Variants in NCOR2 observed in about 807,000 individuals in gnomAD.
The protein encoded by NCOR2 is nuclear receptor corepressor 2, also known as CTG repeat protein 26.
In NCOR2, 81 loss-of-function variants were observed where a neutral mutation model predicts 262.9. The observed-to-expected ratio is 0.31, with a 90% CI of 0.26 to 0.37. NCOR2 has a LOEUF of 0.37. Ranked by LOEUF, NCOR2 falls within the 10% of genes least tolerant of loss-of-function variation. The probability of loss-of-function intolerance (pLI) is 1.00; values close to 1 mark genes in which losing one functional copy is unlikely to be tolerated. For synonymous variants in NCOR2, 1,659 were observed against 1,559.3 expected (o/e 1.06, Z -1.51); for missense variants, 3,385 against 3,621.4 (o/e 0.93, Z 1.68).
chr12:124,356,495 CT>C, intron 23 of NCOR2, 146 bp downstream of exon 25: 2 of 718,448 alleles, frequency 2.8e-6, no homozygotes, highest in Non-Finnish European at 4.0e-6. Flanking sequence ...AGATCTCCCC[CT>C]TTCCCTCCAC....
intron 17 of NCOR2, among the ~76,000 whole-genome samples, chr12:124,384,069 G>T (rs2040612868): frequency 6.6e-6 from 1 of 152,178 alleles, no homozygotes; most frequent in African/African-American, 2.4e-5. Flanking sequence ...GAAAGTGAAA[G>T]GACAGCTGGG....
intron 1 of NCOR2, among the ~76,000 whole-genome samples, chr12:124,547,356 C>A (rs2051574482): frequency 6.6e-6 from 1 of 152,090 alleles, no homozygotes; most frequent in South Asian, 2.1e-4. Flanking sequence ...TAAAGAAAAC[C>A]TTGTCATAGG....
At chr12:124,433,879 C>CACACACAA (rs2044157647) in intron 8 of NCOR2, among the ~76,000 whole-genome samples, 5 of 103,304 alleles carry the variant, frequency 4.8e-5, no homozygotes, top group South Asian at 3.0e-4. Context: ...CACACACACA[C>CACACACAA]ACACACACAC....
chr12:124,509,203 C>T (rs943370616), intron 1 of NCOR2, among the ~76,000 whole-genome samples: 1 of 149,706 alleles, frequency 6.7e-6, no homozygotes, highest in African/African-American at 2.5e-5. Context: ...GAGGCTGACC[C>T]AGCCCTCCAG....
intron 11 of NCOR2, 93 bp downstream of exon 13, chr12:124,426,529 T>G: frequency 8.0e-7 from 1 of 1,255,486 alleles, no homozygotes; most frequent in African/African-American, 1.5e-5. Flanking sequence ...CCCCCCGGCA[T>G]GCTCATTTGT....
In NCOR2 at chr12:124,558,328, C is replaced by T. The variant is rs571152827; in HGVS notation, c.-165+8980G>A. 2.4e-3 allele frequency among the ~76,000 whole-genome samples: 289 copies of T among 118,046 alleles called. 3 individuals carry two copies. The highest frequency in any genetic ancestry group is 0.012 in the Middle Eastern group (2 of 170). The allele number at this position is 118,046 out of a possible 152,430, so 77.4% of individuals were successfully genotyped here. On this transcript the variant is annotated intron_variant, in intron 1 of 32. Transcript: ENST00000458234. ...CCACCACAGAATTGTGGGGAGCGAGCCAAGGGGAGGCCACAGGTGGGCAGA... is the reference window on the plus strand; with the variant it reads ...CCACCACAGAATTGTGGGGAGCGAGTCAAGGGGAGGCCACAGGTGGGCAGA...
upstream of NCOR2, among the ~76,000 whole-genome samples, chr12:124,496,514 C>CGAGGTCA (rs995927925): frequency 6.6e-6 from 1 of 152,092 alleles, no homozygotes; most frequent in Non-Finnish European, 1.5e-5. This position sits in a 1 kb window ranked among gnomAD's most constrained non-coding sequence, Gnocchi z 4.4. Flanking sequence ...CTGCACCACA[C>CGAGGTCA]GAGGTCAGGG....
In NCOR2 at chr12:124,342,980, G is replaced by A. The variant is rs778234942; in HGVS notation, c.4936+25C>T. On this transcript the variant is annotated intron_variant, in intron 33 of 46. Coordinates refer to ENST00000405201, the Ensembl canonical transcript of NCOR2. The stretch of plus-strand genomic sequence containing the variant: ...TGGCCCTGTTCAGCACCACTGCAGG[G>A]TTCTGGGAGCCCCAGGGCAATCACC... The A allele has an allele frequency of 3.1e-6, 5 of 1,608,646 alleles. No homozygotes were observed. The East Asian group carries it at 8.9e-5, about 29-fold the overall frequency.
At chr12:124,374,517 G>A in intron 18 of NCOR2, 54 bp from the exon 21 acceptor site, 2 of 1,574,196 alleles carry the variant, frequency 1.3e-6, no homozygotes, top group South Asian at 2.3e-5. Context: ...GTAGTGGGAG[G>A]GGAGGGAGGA....
intron 33 of NCOR2, among the ~76,000 whole-genome samples, chr12:124,342,349 CT>C (rs536712512): frequency 6.6e-6 from 1 of 152,258 alleles, no homozygotes; most frequent in Non-Finnish European, 1.5e-5. Flanking sequence ...AGGGATGCAA[CT>C]TTTTTTATTT....
intron 15 of NCOR2, among the ~76,000 whole-genome samples, chr12:124,398,726 T>C (rs1243575613): frequency 6.6e-6 from 1 of 152,192 alleles, no homozygotes; most frequent in Non-Finnish European, 1.5e-5. Flanking sequence ...GCAACCCTAC[T>C]CCAATTGTGA....
chr12:124,547,876 T>C (rs2137246837), intron 1 of NCOR2, among the ~76,000 whole-genome samples: 1 of 152,326 alleles, frequency 6.6e-6, no homozygotes, highest in Non-Finnish European at 1.5e-5. Flanking sequence ...AATATTCCAT[T>C]GTATGGAGAG....
At chr12:124,465,056 C>T (rs1593663431) in intron 5 of NCOR2, among the ~76,000 whole-genome samples, 2 of 152,298 alleles carry the variant, frequency 1.3e-5, no homozygotes, top group Middle Eastern at 3.4e-3. Flanking sequence ...CTCAGGCTGC[C>T]ACTGCAGGCA....
chr12:124,499,926 G>A (rs923442737), upstream of NCOR2, among the ~76,000 whole-genome samples: 2 of 152,160 alleles, frequency 1.3e-5, no homozygotes, highest in Non-Finnish European at 2.9e-5. Context: ...ACAGAGAAGG[G>A]GAAATGGGCA....
chr12:124,372,468 C>A, exon 20 of NCOR2: 1 of 929,954 alleles, frequency 1.1e-6, no homozygotes, highest in Non-Finnish European at 1.4e-6. Flanking sequence ...GGATGTCCTC[C>A]GGTGGTGGGG....
rs540854319 is a variant in NCOR2, at chr12:124,329,199, G to A, written c.6959-1566C>T. 7.2e-4 allele frequency: 335 copies of A among 464,574 alleles called. 1 individual carries two copies. Among genetic ancestry groups the A allele is most frequent in the African/African-American group, 6.3e-3 (315 of 50,134 alleles). 28.8% of individuals were successfully genotyped at this position (464,574 alleles called of 1,614,324 possible). A position where few individuals can be genotyped will look rare whatever the true frequency, so the allele number is the denominator to read the frequency against. On this transcript the variant is annotated intron_variant, in intron 44 of 46. Transcript: ENST00000405201. ...AATCAGGCTGGGCGTGACTGCTCAC[G>A]CCTGTAATCCCAGCACTTTGGGAGG...
At chr12:124,501,062 G>GCACGCGCACA (rs1164232439) in intron 1 of NCOR2, among the ~76,000 whole-genome samples, 3 of 147,810 alleles carry the variant, frequency 2.0e-5, no homozygotes. Flanking sequence ...GCGCACGCGC[G>GCACGCGCACA]CACACACACA....
In NCOR2 at chr12:124,481,082, A is replaced by T. The variant is rs1374866851; in HGVS notation, c.411+2514T>A. 6.7e-6 allele frequency among the ~76,000 whole-genome samples: 1 copy of T among 148,440 alleles called. No individual in the cohort carries two copies. The highest frequency in any genetic ancestry group is 1.5e-5 in the Non-Finnish European group (1 of 67,214). On this transcript the variant is annotated intron_variant, in intron 3 of 46. Transcript: ENST00000405201. This position sits in a 1 kb window ranked among gnomAD's most constrained non-coding sequence, Gnocchi z 4.6. ...CAGGGGATGAGCAGGGAGAGATGGC[A>T]GGAGCTGAGGAAGCAGGGGGTGAAG...
intron 3 of NCOR2, among the ~76,000 whole-genome samples, chr12:124,475,124 G>C (rs1385553262): frequency 6.6e-6 from 1 of 152,152 alleles, no homozygotes. Flanking sequence ...CTGTTACCAT[G>C]TGAGATGTGG....
Sources: allele counts gnomAD v4.1 joint callset (sites outside exome capture counted in the v4.1 genomes callset), GRCh38; gene constraint gnomAD v4.1.1; non-coding constraint Gnocchi (gnomAD v3.1); transcripts MANE v1.5; gene names NCBI Gene and HGNC (gene_info 2026-07-23, HGNC 2026-07-21).